Variants in ATF6 observed in about 807,000 individuals in gnomAD.
The protein encoded by ATF6 is cyclic AMP-dependent transcription factor ATF-6 alpha.
A neutral mutation model predicts 83.6 loss-of-function variants in ATF6; 53 were observed. That is an observed-to-expected ratio of 0.63 (90% confidence interval 0.51 to 0.80). ATF6 has a LOEUF of 0.80. Ranked by LOEUF, ATF6 falls within the 30% of genes least tolerant of loss-of-function variation. The probability of loss-of-function intolerance (pLI) is 0.00; values close to 1 mark genes in which losing one functional copy is unlikely to be tolerated. For missense variants in ATF6, 744 were observed against 797.9 expected, an observed-to-expected ratio of 0.93 and a Z score of 0.81; for synonymous variants, 288 against 285.8, an observed-to-expected ratio of 1.01 and a Z score of -0.08.
intron 9 of ATF6, among the ~76,000 whole-genome samples, chr1:161,822,578 A>G (rs1292995483): frequency 6.6e-6 from 1 of 152,202 alleles, no homozygotes; most frequent in Non-Finnish European, 1.5e-5. Context: ...TTTCAAACAT[A>G]TAGGAAATTT....
intron 12 of ATF6, among the ~76,000 whole-genome samples, chr1:161,858,300 A>G (rs1028519669): frequency 6.6e-6 from 1 of 152,194 alleles, no homozygotes; most frequent in Non-Finnish European, 1.5e-5. Flanking sequence ...CAGTGGGCTA[A>G]ACACATCAAT....
chr1:161,918,906 A>T (rs867068734), intron 15 of ATF6, among the ~76,000 whole-genome samples: 1 of 152,152 alleles, frequency 6.6e-6, no homozygotes, highest in African/African-American at 2.4e-5. Flanking sequence ...TGATTTTCCA[A>T]TTTAAGCACA....
At chr1:161,872,276 C>T (rs1280827479) in intron 14 of ATF6, among the ~76,000 whole-genome samples, 2 of 151,626 alleles carry the variant, frequency 1.3e-5, no homozygotes. Flanking sequence ...CAGAATTTAA[C>T]CAAGAAAGTC....
At chr1:161,933,115 G>GA (rs2101903539) in intron 15 of ATF6, among the ~76,000 whole-genome samples, 1 of 152,266 alleles carries the variant, frequency 6.6e-6, no homozygotes, top group East Asian at 1.9e-4. Flanking sequence ...CTATAGAAGG[G>GA]AAATACCAAG....
At chr1:161,839,265 GA>G (rs1347244874) in intron 9 of ATF6, among the ~76,000 whole-genome samples, 1 of 152,210 alleles carries the variant, frequency 6.6e-6, no homozygotes, top group African/African-American at 2.4e-5. Context: ...TAAGTAAAAT[GA>G]GAAAATTATA....
intron 13 of ATF6, among the ~76,000 whole-genome samples, chr1:161,861,203 T>C (rs1303098621): frequency 6.6e-6 from 1 of 152,198 alleles, no homozygotes; most frequent in African/African-American, 2.4e-5. Context: ...AGCTTCTATC[T>C]GTAGCTCTAC....
At chr1:161,955,800 A>C (rs1330299173) in intron 15 of ATF6, among the ~76,000 whole-genome samples, 5 of 152,298 alleles carry the variant, frequency 3.3e-5, no homozygotes, top group African/African-American at 9.6e-5. Context: ...TTCACATGCT[A>C]TCTGGTAGAG....
At chr1:161,870,437 T>C (rs532077461) in intron 14 of ATF6, among the ~76,000 whole-genome samples, 7 of 151,950 alleles carry the variant, frequency 4.6e-5, no homozygotes, top group African/African-American at 1.7e-4. Flanking sequence ...TTGCTTTGTC[T>C]TAAAAAGGAA....
intron 14 of ATF6, among the ~76,000 whole-genome samples, chr1:161,886,764 A>G (rs1233481207): frequency 6.6e-6 from 1 of 152,252 alleles, no homozygotes; most frequent in Non-Finnish European, 1.5e-5. Flanking sequence ...GAGAGGTTAC[A>G]TAACTTAGCC....
intron 15 of ATF6, among the ~76,000 whole-genome samples, chr1:161,952,051 T>C (rs1053396793): frequency 1.3e-5 from 2 of 152,162 alleles, no homozygotes; most frequent in African/African-American, 4.8e-5. Flanking sequence ...TTAAAAGTGC[T>C]CTCCCAATTA....
chr1:161,792,370 G>T (rs758162439), intron 6 of ATF6, 43 bp downstream of exon 6: 2 of 1,545,990 alleles, frequency 1.3e-6, no homozygotes, highest in East Asian at 4.5e-5. Context: ...TATTTGGAGG[G>T]CAGTAAGGGT....
At position 161,963,452 on chromosome 1, in the gene ATF6, CT is replaced by C. The variant is rs1689143272; in HGVS notation, c.*4802del. ...ATTAGGGATTTAGCACACTAAAATACTTTTAATTATATTAGGTTTGGTAACT... is the reference window on the plus strand; with the variant it reads ...ATTAGGGATTTAGCACACTAAAATACTTTAATTATATTAGGTTTGGTAACT... On this transcript the variant is annotated 3_prime_UTR_variant, in exon 16 of 16. Transcript: ENST00000367942. 1.3e-5 allele frequency: 2 copies of C among 152,170 alleles called. No homozygotes were observed. Among genetic ancestry groups the C allele is most frequent in the African/African-American group, 4.8e-5 (2 of 41,438 alleles). 9.4% of individuals were successfully genotyped at this position (152,170 alleles called of 1,614,324 possible).
In ATF6 at chr1:161,884,243, G is replaced by T. The variant is rs986657444; in HGVS notation, c.1719+20931G>T. Among the ~76,000 whole-genome samples, 28 of 152,022 alleles carry T rather than the reference G, an allele frequency of 1.8e-4. 1 individual carries two copies. The highest frequency in any genetic ancestry group is 6.3e-4 in the African/African-American group (26 of 41,434). Reference sequence around the variant, plus strand: ...ACCTGATTTTAAAATATAAAACTAGGAAGGCATATTTTTCATCTACCAAAA... The same window carrying T: ...ACCTGATTTTAAAATATAAAACTAGTAAGGCATATTTTTCATCTACCAAAA... On this transcript the variant is annotated intron_variant, in intron 14 of 15. Transcript: ENST00000367942.
At position 161,830,568 on chromosome 1, in the gene ATF6, CA is replaced by C. The variant is rs1325127649; in HGVS notation, c.1187+9411del. The stretch of plus-strand genomic sequence containing the variant: ...AACTATACTACAAGGCTACAGTAAC[CA>C]AAACAGCATGGTACTGGTACCAAAA... On this transcript the variant is annotated intron_variant, in intron 9 of 15. Coordinates refer to ENST00000367942, the MANE Select transcript of ATF6 (RefSeq NM_007348.4). Among the ~76,000 whole-genome samples the C allele has an allele frequency of 7.2e-5, 11 of 152,278 alleles. No individual in the cohort carries two copies. In the South Asian group the frequency reaches 2.1e-3, roughly 29 times the overall value.
chr1:161,794,452 T>A (rs1161975372), intron 6 of ATF6, among the ~76,000 whole-genome samples: 1 of 152,006 alleles, frequency 6.6e-6, no homozygotes, highest in Non-Finnish European at 1.5e-5. Flanking sequence ...TTGGCTCTAG[T>A]TTAGTTTTTT....
In ATF6 at chr1:161,962,247, T is replaced by C. The variant is rs1689115432; in HGVS notation, c.*3593T>C. 1 of 152,194 alleles carries C rather than the reference T, an allele frequency of 6.6e-6. No homozygotes were observed. Among genetic ancestry groups the C allele is most frequent in the Non-Finnish European group, 1.5e-5 (1 of 68,044 alleles). The allele number at this position is 152,194 out of a possible 1,614,324, so 9.4% of individuals were successfully genotyped here. The stretch of plus-strand genomic sequence containing the variant: ...TGTTATGTGAGTCATTCTTAAGTGT[T>C]CCAAGTAAGTTTAGAAACAGAAAAG... On this transcript the variant is annotated 3_prime_UTR_variant, in exon 16 of 16. Transcript: ENST00000367942.
intron 9 of ATF6, among the ~76,000 whole-genome samples, chr1:161,845,423 C>G (rs891748514): frequency 2.0e-5 from 3 of 152,102 alleles, no homozygotes; most frequent in African/African-American, 7.2e-5. Flanking sequence ...CGAACACACA[C>G]ACAAAGTCTT....
intron 9 of ATF6, among the ~76,000 whole-genome samples, chr1:161,823,529 A>G (rs1685813585): frequency 6.6e-6 from 1 of 152,244 alleles, no homozygotes; most frequent in Non-Finnish European, 1.5e-5. Context: ...CTTTCCTCCA[A>G]GTTACTTTCC....
intron 14 of ATF6, among the ~76,000 whole-genome samples, chr1:161,907,853 T>G (rs756909105): frequency 1.3e-5 from 2 of 152,208 alleles, no homozygotes; most frequent in Non-Finnish European, 1.5e-5. Flanking sequence ...TTGCATAAAC[T>G]ATACTCACAA....
Sources: gnomAD v4.1 joint callset for allele counts (sites outside exome capture counted in the v4.1 genomes callset) on GRCh38, gnomAD v4.1.1 for gene constraint, MANE v1.5 for transcripts, NCBI Gene and HGNC (gene_info 2026-07-23, HGNC 2026-07-21) for gene names.